The following ABCG1 variants were observed in gnomAD, a reference collection of about 807,000 sequenced individuals.
ABCG1 encodes the protein ATP binding cassette subfamily G member 1.
Under a neutral mutation model 69.2 loss-of-function variants are expected in ABCG1, and 29 were observed. The ratio of observed to expected loss-of-function variants is 0.42; its 90% CI spans 0.31 to 0.57. The LOEUF (loss-of-function observed/expected upper bound fraction) is 0.57. ABCG1 is among the 20% of genes least tolerant of loss of function. The probability of loss-of-function intolerance (pLI) is 0.15; values close to 1 mark genes in which losing one functional copy is unlikely to be tolerated. For synonymous variants in ABCG1, 370 were observed against 374.8 expected, an observed-to-expected ratio of 0.99 and a Z score of 0.15; for missense variants, 718 against 898.1, an observed-to-expected ratio of 0.80 and a Z score of 2.56.
At chr21:42,248,957 A>G (rs1254934003) in intron 2 of ABCG1, among the ~76,000 whole-genome samples, 6 of 151,982 alleles carry the variant, frequency 3.9e-5, no homozygotes, top group Admixed American at 3.3e-4. Context: ...CCACAGTGGA[A>G]TATTATACAG....
Position 42,271,292 on chromosome 21 carries a change from G to A in ABCG1, c.404+105G>A, listed in dbSNP as rs2068613037. On this transcript the variant is annotated intron_variant, in intron 3 of 14. Transcript: ENST00000398449. ...GCCCCATCACCTGGAGCAGGCTGTG[G>A]TCTACAGCAGTAGTCCAGGGGAGAG... 4.3e-6 allele frequency: 3 copies of A among 689,980 alleles called. No individual in the cohort carries two copies. The East Asian group carries it at 9.1e-5, about 21-fold the overall frequency. The allele number at this position is 689,980 out of a possible 1,614,324, so 42.7% of individuals were successfully genotyped here.
intron 2 of ABCG1, among the ~76,000 whole-genome samples, chr21:42,265,874 G>A (rs1205898661): frequency 3.3e-5 from 5 of 152,274 alleles, no homozygotes; most frequent in Non-Finnish European, 5.9e-5. Context: ...CAGCCCCCTC[G>A]CGCACTGCCA....
In ABCG1 at chr21:42,291,202, C is replaced by G. The variant is rs775854109; in HGVS notation, c.1494+10C>G. On this transcript the variant is annotated intron_variant, in intron 12 of 14. Transcript: ENST00000398449. This position sits in a 1 kb window ranked among gnomAD's most constrained non-coding sequence, Gnocchi z 6.4. ...AGACGTGCCCTTTCAGGTGTGTTAG[C>G]CAGGGGCTGGAATTTGAAACGGGGG... 2.5e-6 allele frequency: 4 copies of G among 1,605,616 alleles called. No individual in the cohort carries two copies. The highest frequency in any genetic ancestry group is 2.6e-6 in the Non-Finnish European group (3 of 1,173,110).
chr21:42,290,112 C>T lies in ABCG1; in HGVS notation c.1287C>T (p.Tyr429=). The T allele has an allele frequency of 6.2e-7, 1 of 1,614,254 alleles. No individual in the cohort carries two copies. The highest frequency in any genetic ancestry group is 8.5e-7 in the Non-Finnish European group (1 of 1,180,052). ...IGIGLLIGLL[Y]LGIGNEAKKV... Reference sequence around the variant, plus strand: ...TCGGCCTCCTCATTGGCCTGCTGTACTTGGGGATCGGGAACGAAGCCAAGA... The same window carrying T: ...TCGGCCTCCTCATTGGCCTGCTGTATTTGGGGATCGGGAACGAAGCCAAGA... Residue 429 remains tyrosine, a synonymous_variant, in exon 11 of 15, where the codon TAC becomes TAT. Transcript: ENST00000398449.
chr21:42,287,466 AC>A lies in ABCG1; in HGVS notation c.974-422del, dbSNP rs1330678379. Among the ~76,000 whole-genome samples, 2 of 152,136 alleles carry A rather than the reference AC, an allele frequency of 1.3e-5. No homozygotes were observed. The highest frequency in any genetic ancestry group is 2.9e-5 in the Non-Finnish European group (2 of 68,028). On this transcript the variant is annotated intron_variant, in intron 8 of 14. Coordinates refer to ENST00000398449, the MANE Select transcript of ABCG1 (RefSeq NM_016818.3). This position sits in a 1 kb window ranked among gnomAD's most constrained non-coding sequence, Gnocchi z 6.2. ...ACGTCCTTCTCTGCCATCTTGTAGA[AC>A]TGCCGTGGCTCTCGTCACACCCTGC...
chr21:42,267,901 TGTCTGGGTGTG>T (rs879386763), intron 2 of ABCG1, among the ~76,000 whole-genome samples: 55 of 151,830 alleles, frequency 3.6e-4, no homozygotes, highest in African/African-American at 1.3e-3. Flanking sequence ...GTCTGGGTTC[TGTCTGGGTGTG>T]GTCTGGGTTC....
rs1438958573 is a variant in ABCG1 at position 42,288,397 on chromosome 21, T to G, written c.1224+85T>G. On this transcript the variant is annotated intron_variant, in intron 10 of 14. Coordinates refer to ENST00000398449, the MANE Select transcript of ABCG1 (RefSeq NM_016818.3). The surrounding 1 kb of genome is among the most constrained non-coding windows in gnomAD (Gnocchi z 4.8). The stretch of plus-strand genomic sequence containing the variant: ...CGTCCTGACGGAATGTGTTCGTTCA[T>G]TCTCACATTGCTATAAAGAAATTCA... 1 of 992,898 alleles carries G rather than the reference T, an allele frequency of 1.0e-6. No homozygotes were observed. The highest frequency in any genetic ancestry group is 1.6e-5 in the African/African-American group (1 of 62,416). The allele number at this position is 992,898 out of a possible 1,614,324, so 61.5% of individuals were successfully genotyped here.
At chr21:42,261,650 T>C (rs1430885424) in intron 2 of ABCG1, among the ~76,000 whole-genome samples, 2 of 152,150 alleles carry the variant, frequency 1.3e-5, no homozygotes, top group African/African-American at 4.8e-5. Context: ...AGGAATGTCC[T>C]GCCTGGCCCG....
At position 42,283,833 on chromosome 21, in the gene ABCG1, A is replaced by G. The variant is rs28463023; in HGVS notation, c.735-727A>G. Among the ~76,000 whole-genome samples, 261 of 46,274 alleles carry G rather than the reference A, an allele frequency of 5.6e-3. 4 individuals are homozygous for G. The highest frequency in any genetic ancestry group is 0.018 in the South Asian group (17 of 944). The allele number at this position is 46,274 out of a possible 152,430, so 30.4% of individuals were successfully genotyped here. ...ACCTCTGTCCCGCCTGGACAGTTGC[A>G]AAGTCCCCCCGCCCAGATGAGTGGG... On this transcript the variant is annotated intron_variant, in intron 6 of 14. Coordinates refer to ENST00000398449, the MANE Select transcript of ABCG1 (RefSeq NM_016818.3).
upstream of ABCG1, chr21:42,216,282 G>T (rs1165173252): frequency 5.9e-6 from 2 of 338,962 alleles, no homozygotes; most frequent in Non-Finnish European, 1.2e-5. Flanking sequence ...GACAGGAAGT[G>T]GCTCCCCACT....
chr21:42,279,592 T>C (rs2068771222), intron 5 of ABCG1, among the ~76,000 whole-genome samples: 1 of 152,198 alleles, frequency 6.6e-6, no homozygotes, highest in African/African-American at 2.4e-5. Flanking sequence ...GGATGGTTTC[T>C]TTAAGGTCTC....
In ABCG1 at chr21:42,225,837, C is replaced by T. The variant is rs1197187503; in HGVS notation, c.209C>T (p.Pro70Leu). The T allele has an allele frequency of 3.1e-6, 5 of 1,613,908 alleles. No homozygotes were observed. The highest frequency in any genetic ancestry group is 2.2e-5 in the South Asian group (2 of 91,068). The change falls in exon 2 of 15, where the codon CCT (proline) becomes CTT (leucine). Residue 70 changes from proline (P) to leucine (L), a missense_variant. This residue lies in a region of ABCG1 where 514 missense variants were observed against 574.3 expected (regional missense o/e 0.90). Coordinates refer to ENST00000398449, the MANE Select transcript of ABCG1 (RefSeq NM_016818.3). ...GAAGCCCAGCGCTTCTCCTCCTTGC[C>T]TCGGAGGGCAGCTGTGAACATTGAA... is the stretch of plus-strand genomic sequence containing the variant. Reference protein sequence around the residue: ...LTEAQRFSSLPRRAAVNIEFR... With the variant: ...LTEAQRFSSLLRRAAVNIEFR...
At chr21:42,236,623 A>G (rs967030079) in intron 2 of ABCG1, among the ~76,000 whole-genome samples, 4 of 152,192 alleles carry the variant, frequency 2.6e-5, no homozygotes, top group Admixed American at 6.5e-5. Context: ...TTGGGTTTTC[A>G]TTGCCTGCTT....
intron 2 of ABCG1, among the ~76,000 whole-genome samples, chr21:42,252,520 A>G (rs953585095): frequency 2.6e-5 from 4 of 152,044 alleles, no homozygotes; most frequent in Middle Eastern, 3.2e-3. Flanking sequence ...GGTTAGGGAC[A>G]CTTCTTTCGT....
chr21:42,218,754 C>A (rs1174981325), upstream of ABCG1, among the ~76,000 whole-genome samples: 2 of 152,102 alleles, frequency 1.3e-5, no homozygotes, highest in Admixed American at 6.5e-5. Flanking sequence ...AAGAAAGAAG[C>A]CCCCTGGCCC....
intron 1 of ABCG1, chr21:42,199,856 C>G (rs996927916): frequency 6.6e-6 from 1 of 152,254 alleles, no homozygotes; most frequent in Middle Eastern, 3.4e-3. Flanking sequence ...GTGGGTAAGT[C>G]ACTGACAAAA....
chr21:42,205,796 C>T (rs2123464635), intron 2 of ABCG1, among the ~76,000 whole-genome samples: 1 of 152,194 alleles, frequency 6.6e-6, no homozygotes, highest in Admixed American at 6.5e-5. Flanking sequence ...GAGAGTTTTC[C>T]TCATTTCCAA....
intron 13 of ABCG1, among the ~76,000 whole-genome samples, chr21:42,294,167 G>T (rs936465778): frequency 9.2e-5 from 14 of 152,166 alleles, no homozygotes; most frequent in Admixed American, 5.9e-4. Flanking sequence ...CCGACCGAAG[G>T]GGTGCCCGCC....
intron 2 of ABCG1, among the ~76,000 whole-genome samples, chr21:42,204,605 T>C (rs2067529415): frequency 6.6e-6 from 1 of 152,240 alleles, no homozygotes; most frequent in South Asian, 2.1e-4. Context: ...GAATGTGGTA[T>C]ATAATTTTTA....
Sources: gnomAD v4.1 joint callset for allele counts (sites outside exome capture counted in the v4.1 genomes callset) on GRCh38, gnomAD v4.1.1 for gene constraint, gnomAD v4.1.1 regional missense constraint, Gnocchi (gnomAD v3.1) non-coding constraint, MANE v1.5 for transcripts, NCBI Gene and HGNC (gene_info 2026-07-23, HGNC 2026-07-21) for gene names.